Variants in BTC observed in about 807,000 individuals in gnomAD.
BTC encodes probetacellulin.
A neutral mutation model predicts 18.1 loss-of-function variants in BTC; 13 were observed. The observed-to-expected ratio is 0.72, with a 90% CI of 0.47 to 1.14. BTC has a LOEUF of 1.14. Among genes scored for constraint, BTC ranks in the 50% most tolerant of loss-of-function variants. The pLI, the probability that BTC is intolerant of heterozygous loss-of-function variation, is 0.00. For synonymous variants in BTC, 83 were observed against 79.4 expected (o/e 1.05, Z -0.24); for missense variants, 247 against 224.2 (o/e 1.10, Z -0.65).
intron 1 of BTC, among the ~76,000 whole-genome samples, chr4:74,778,664 C>T (rs766107098): frequency 2.2e-4 from 34 of 152,118 alleles, no homozygotes; most frequent in Admixed American, 3.9e-4. Context: ...ACTTTCATCA[C>T]CAATTTCCCA....
At chr4:74,764,401 C>T (rs1404268537) in intron 2 of BTC, among the ~76,000 whole-genome samples, 1 of 151,856 alleles carries the variant, frequency 6.6e-6, no homozygotes, top group Admixed American at 6.6e-5. Context: ...TGGGCATAGA[C>T]CAAAATGAAA....
intron 2 of BTC, among the ~76,000 whole-genome samples, chr4:74,764,792 A>AGTCT (rs1228041538): frequency 6.6e-6 from 1 of 152,200 alleles, no homozygotes. Flanking sequence ...ATGCTGTATT[A>AGTCT]GTCTGTTCTC....
intron 1 of BTC, among the ~76,000 whole-genome samples, chr4:74,780,096 CA>C (rs149818210): frequency 6.6e-6 from 1 of 151,942 alleles, no homozygotes; most frequent in Non-Finnish European, 1.5e-5. Flanking sequence ...ACGAATTATA[CA>C]AAAAAGGATT....
chr4:74,753,090 GAGA>G (rs1224816605), intron 3 of BTC, among the ~76,000 whole-genome samples: 8 of 152,202 alleles, frequency 5.3e-5, no homozygotes, highest in Non-Finnish European at 1.2e-4. Context: ...TCTCATGTAG[GAGA>G]AGAAGAGGCA....
At chr4:74,775,467 T>C (rs1026484319) in intron 1 of BTC, among the ~76,000 whole-genome samples, 1 of 152,174 alleles carries the variant, frequency 6.6e-6, no homozygotes, top group Non-Finnish European at 1.5e-5. Flanking sequence ...GATCATAGGT[T>C]ATGTTAAAAT....
intron 1 of BTC, among the ~76,000 whole-genome samples, chr4:74,776,918 G>A (rs1055128602): frequency 2.6e-5 from 4 of 152,122 alleles, no homozygotes; most frequent in African/African-American, 9.7e-5. Flanking sequence ...TAAATCCAGT[G>A]ATTCCTTGCC....
intron 1 of BTC, among the ~76,000 whole-genome samples, chr4:74,778,510 G>T (rs1725236059): frequency 6.6e-6 from 1 of 152,128 alleles, no homozygotes; most frequent in African/African-American, 2.4e-5. Flanking sequence ...GTTCCAAAGT[G>T]AGATGCAGAG....
intron 2 of BTC, among the ~76,000 whole-genome samples, chr4:74,759,452 C>A (rs1405907138): frequency 3.9e-5 from 6 of 152,114 alleles, no homozygotes; most frequent in African/African-American, 1.4e-4. Flanking sequence ...AAAAGTACAT[C>A]CACTAGTGGA....
chr4:74,784,394 C>T (rs191319781), intron 1 of BTC, among the ~76,000 whole-genome samples: 104 of 152,242 alleles, frequency 6.8e-4, no homozygotes, highest in African/African-American at 2.3e-3. Flanking sequence ...GATAATTCAA[C>T]TTCCTCTCTT....
At chr4:74,772,299 A>G (rs542384872) in intron 1 of BTC, among the ~76,000 whole-genome samples, 284 of 152,310 alleles carry the variant, frequency 1.9e-3, no homozygotes, top group African/African-American at 6.0e-3. Flanking sequence ...CAATTTGGCT[A>G]CCAAATTTCT....
chr4:74,754,238 G>C lies in BTC; in HGVS notation c.281+1621C>G, dbSNP rs562180978. On this transcript the variant is annotated intron_variant, in intron 3 of 5. Transcript: ENST00000395743. ...TGGAAATTTGGTATAGCATTAGATG[G>C]ACTGTAATAGGGGCACTATTTGTTC... Among the ~76,000 whole-genome samples, 3 of 152,294 alleles carry C rather than the reference G, an allele frequency of 2.0e-5. No homozygotes were observed. The East Asian group carries it at 5.8e-4, about 29-fold the overall frequency.
At chr4:74,767,078 T>C (rs1724920213) in intron 2 of BTC, among the ~76,000 whole-genome samples, 1 of 150,794 alleles carries the variant, frequency 6.6e-6, no homozygotes, top group Non-Finnish European at 1.5e-5. Context: ...ACCAGAGCAA[T>C]TAGGAAAAAA....
intron 1 of BTC, among the ~76,000 whole-genome samples, chr4:74,772,495 A>G (rs147593068): frequency 6.6e-6 from 1 of 152,322 alleles, no homozygotes; most frequent in African/African-American, 2.4e-5. Context: ...GAATCAATCT[A>G]TAAACGAACA....
At chr4:74,758,591 C>T (rs955910897) in intron 2 of BTC, among the ~76,000 whole-genome samples, 2 of 152,138 alleles carry the variant, frequency 1.3e-5, no homozygotes, top group African/African-American at 4.8e-5. Context: ...GTATCCTAAA[C>T]TTTATTTCTC....
intron 2 of BTC, among the ~76,000 whole-genome samples, chr4:74,760,009 A>C (rs532057570): frequency 2.0e-5 from 3 of 152,250 alleles, no homozygotes; most frequent in Non-Finnish European, 4.4e-5. Flanking sequence ...AAAACTCTTC[A>C]GAGTAGATCC....
chr4:74,785,750 A>T (rs182323249), intron 1 of BTC, among the ~76,000 whole-genome samples: 1 of 152,222 alleles, frequency 6.6e-6, no homozygotes, highest in Non-Finnish European at 1.5e-5. Flanking sequence ...TCACTGTGGT[A>T]AATTTATCAG....
At chr4:74,789,438 C>T (rs1215268637) in intron 1 of BTC, among the ~76,000 whole-genome samples, 2 of 152,108 alleles carry the variant, frequency 1.3e-5, no homozygotes, top group Admixed American at 6.5e-5. Context: ...TTGAATATTA[C>T]CTGCCAATTA....
intron 2 of BTC, among the ~76,000 whole-genome samples, chr4:74,766,906 A>G (rs1328864960): frequency 1.3e-5 from 2 of 152,050 alleles, no homozygotes; most frequent in East Asian, 3.8e-4. Flanking sequence ...ACAAACTAGT[A>G]ATAGAAGGAA....
intron 3 of BTC, among the ~76,000 whole-genome samples, chr4:74,753,980 T>G (rs1330688101): frequency 6.6e-6 from 1 of 152,196 alleles, no homozygotes; most frequent in Non-Finnish European, 1.5e-5. Context: ...TTTGCTATCT[T>G]CACCACTTGA....
Sources: allele counts gnomAD v4.1 joint callset (sites outside exome capture counted in the v4.1 genomes callset), GRCh38; gene constraint gnomAD v4.1.1; transcripts MANE v1.5; gene names NCBI Gene and HGNC (gene_info 2026-07-23, HGNC 2026-07-21).